Variants in HMGB1 observed in about 807,000 individuals in gnomAD.
The protein encoded by HMGB1 is high mobility group box 1.
For synonymous variants in HMGB1, 81 were observed against 84.0 expected (o/e 0.96, Z 0.19); for missense variants, 79 against 253.5 (o/e 0.31, Z 4.67).
At chr13:30,608,268 T>C (rs1167813186) in intron 1 of HMGB1, among the ~76,000 whole-genome samples, 1 of 152,202 alleles carries the variant, frequency 6.6e-6, no homozygotes, top group East Asian at 1.9e-4. Context: ...CAAATGTCTG[T>C]TGTTTTAAGC....
chr13:30,521,511 G>A (rs2137474962), intron 1 of HMGB1, among the ~76,000 whole-genome samples: 1 of 152,242 alleles, frequency 6.6e-6, no homozygotes, highest in East Asian at 1.9e-4. Context: ...TTAGCATAAT[G>A]TTTTCAAGGT....
intron 1 of HMGB1, among the ~76,000 whole-genome samples, chr13:30,579,945 C>G (rs897290333): frequency 1.3e-5 from 2 of 152,136 alleles, no homozygotes; most frequent in Non-Finnish European, 2.9e-5. Context: ...TCATGTTCAT[C>G]TGGTACAATA....
chr13:30,605,866 ACT>A (rs1195287654), intron 1 of HMGB1, among the ~76,000 whole-genome samples: 3 of 152,206 alleles, frequency 2.0e-5, no homozygotes, highest in African/African-American at 7.2e-5. Context: ...CCCTGTATGT[ACT>A]GTGTATTGTT....
At chr13:30,461,808 A>C (rs1224028058) in intron 4 of HMGB1, 2 of 610,106 alleles carry the variant, frequency 3.3e-6, no homozygotes, top group Non-Finnish European at 5.5e-6. Context: ...CCACATCCTA[A>C]CTCTATTAAA....
chr13:30,487,171 T>C (rs1593270787), intron 1 of HMGB1, among the ~76,000 whole-genome samples: 2 of 152,206 alleles, frequency 1.3e-5, no homozygotes, highest in East Asian at 3.8e-4. Context: ...TGTCTTTTTC[T>C]CCAACACTTT....
intron 1 of HMGB1, chr13:30,464,761 TTGTGTGTG>T (rs376284891): frequency 8.5e-5 from 14 of 164,396 alleles, no homozygotes; most frequent in South Asian, 2.3e-4. Flanking sequence ...CTCCTTCCCT[TTGTGTGTG>T]TGTGTGTGTG....
intron 1 of HMGB1, among the ~76,000 whole-genome samples, chr13:30,518,192 C>G (rs138542010): frequency 6.6e-6 from 1 of 152,000 alleles, no homozygotes; most frequent in African/African-American, 2.4e-5. Context: ...AAAAAAATAG[C>G]TGGGTGTGGT....
intron 1 of HMGB1, among the ~76,000 whole-genome samples, chr13:30,485,876 T>G (rs1209498316): frequency 2.0e-5 from 3 of 152,178 alleles, no homozygotes; most frequent in Non-Finnish European, 4.4e-5. Context: ...TAGAACACAG[T>G]TATAATCAAA....
At chr13:30,496,723 C>T (rs1398362391) in intron 1 of HMGB1, among the ~76,000 whole-genome samples, 2 of 152,252 alleles carry the variant, frequency 1.3e-5, no homozygotes, top group East Asian at 1.9e-4. Context: ...AAGAGGATTG[C>T]TTGTCCAGGC....
At chr13:30,549,610 GTC>G (rs2137511276) in intron 1 of HMGB1, among the ~76,000 whole-genome samples, 1 of 152,168 alleles carries the variant, frequency 6.6e-6, no homozygotes, top group South Asian at 2.1e-4. Context: ...GCCCGGGCTA[GTC>G]TTGAACTCCT....
chr13:30,520,071 C>T (rs975719526), intron 1 of HMGB1, among the ~76,000 whole-genome samples: 1 of 152,220 alleles, frequency 6.6e-6, no homozygotes, highest in African/African-American at 2.4e-5. Flanking sequence ...CCCATAATCC[C>T]AGCACTTTGG....
At chr13:30,496,582 C>T (rs964290008) in intron 1 of HMGB1, among the ~76,000 whole-genome samples, 1 of 152,282 alleles carries the variant, frequency 6.6e-6, no homozygotes, top group East Asian at 1.9e-4. Context: ...AAGAAAGCAG[C>T]GTCCTAGCTT....
intron 1 of HMGB1, among the ~76,000 whole-genome samples, chr13:30,613,109 G>T (rs1408168): frequency 0.51 from 76,625 of 151,638 alleles, 22,407 homozygotes; most frequent in African/African-American, 0.81. Flanking sequence ...CTGACAGTAT[G>T]GTCTCTGTGG....
intron 1 of HMGB1, among the ~76,000 whole-genome samples, chr13:30,597,552 T>A (rs1438570358): frequency 6.6e-6 from 1 of 152,180 alleles, no homozygotes; most frequent in Non-Finnish European, 1.5e-5. Flanking sequence ...AATAGGATAA[T>A]CCTATGAAAT....
At chr13:30,484,713 A>G (rs1887319577) in intron 1 of HMGB1, among the ~76,000 whole-genome samples, 1 of 152,056 alleles carries the variant, frequency 6.6e-6, no homozygotes, top group African/African-American at 2.4e-5. Context: ...CAAAAAAAGA[A>G]AGAGAGAAAG....
chr13:30,581,964 T>A (rs116217602), intron 1 of HMGB1, among the ~76,000 whole-genome samples: 38 of 152,264 alleles, frequency 2.5e-4, no homozygotes, highest in African/African-American at 9.1e-4. Flanking sequence ...GTTTTATGAT[T>A]ATCTGATAGA....
In HMGB1 at chr13:30,460,117, GT is replaced by G. The variant is rs559717140; in HGVS notation, c.*1239del. The G allele has an allele frequency of 6.6e-6, 1 of 152,402 alleles. No individual in the cohort carries two copies. Among genetic ancestry groups the G allele is most frequent in the South Asian group, 2.1e-4 (1 of 4,818 alleles). 9.4% of individuals were successfully genotyped at this position (152,402 alleles called of 1,614,324 possible). On this transcript the variant is annotated 3_prime_UTR_variant, in exon 5 of 5. Coordinates refer to ENST00000341423, the MANE Select transcript of HMGB1 (RefSeq NM_002128.7). ...GCAGATAAACATGACTAATGAATGA[GT>G]TTGTTTTGTAAAGAAAAATCATTCA...
At chr13:30,506,124 C>T (rs189020862) in intron 1 of HMGB1, among the ~76,000 whole-genome samples, 33 of 152,138 alleles carry the variant, frequency 2.2e-4, no homozygotes, top group Non-Finnish European at 3.7e-4. Flanking sequence ...AGGATCGGAT[C>T]GGGGGAGGTG....
chr13:30,586,143 G>A (rs1871134377), intron 1 of HMGB1, among the ~76,000 whole-genome samples: 1 of 152,070 alleles, frequency 6.6e-6, no homozygotes, highest in African/African-American at 2.4e-5. Flanking sequence ...ATAGCTCACT[G>A]CAGCCTTAAC....
Sources: gnomAD v4.1 joint callset for allele counts (sites outside exome capture counted in the v4.1 genomes callset) on GRCh38, gnomAD v4.1.1 for gene constraint, MANE v1.5 for transcripts, NCBI Gene and HGNC (gene_info 2026-07-23, HGNC 2026-07-21) for gene names.